C5orf24: variants seen among roughly 807,000 people sequenced by gnomAD.
The protein encoded by C5orf24 is UPF0461 protein C5orf24.
Under a neutral mutation model 9.8 loss-of-function variants are expected in C5orf24, and 4 were observed. That is an observed-to-expected ratio of 0.41 (90% CI 0.20 to 0.93). C5orf24 has a LOEUF of 0.93. Ranked by LOEUF, C5orf24 falls within the 40% of genes least tolerant of loss-of-function variation. The pLI is 0.33. For synonymous variants in C5orf24, 73 were observed against 81.3 expected (o/e 0.90, Z 0.55); for missense variants, 170 against 236.9 (o/e 0.72, Z 1.85).
At position 134,858,537 on chromosome 5, in the gene C5orf24, G is replaced by A. The variant is rs1429846825; in HGVS notation, c.*3070G>A. 3 of 166,916 alleles carry A rather than the reference G, an allele frequency of 1.8e-5. No homozygotes were observed. Among genetic ancestry groups the A allele is most frequent in the Non-Finnish European group, 2.9e-5 (2 of 68,098 alleles). The allele number at this position is 166,916 out of a possible 1,614,324, so 10.3% of individuals were successfully genotyped here. A position where few individuals can be genotyped will look rare whatever the true frequency, so the allele number is the denominator to read the frequency against. The stretch of plus-strand genomic sequence containing the variant: ...AGGTAAATTGCTAATTTTATACAGT[G>A]TAATTCTGTTCTTCACAAAATAGGT... On this transcript the variant is annotated 3_prime_UTR_variant, in exon 2 of 2. Transcript: ENST00000394976.
At chr5:134,848,270 C>T (rs191709586) in intron 1 of C5orf24, among the ~76,000 whole-genome samples, 3 of 152,040 alleles carry the variant, frequency 2.0e-5, no homozygotes, top group African/African-American at 7.2e-5. Context: ...AAGATCGGGC[C>T]ACTGTTCTCC....
chr5:134,854,434 C>T (rs1756251462), intron 1 of C5orf24, among the ~76,000 whole-genome samples: 1 of 152,174 alleles, frequency 6.6e-6, no homozygotes, highest in East Asian at 1.9e-4. Flanking sequence ...AAACTGTTGT[C>T]AGGCCAGAAG....
chr5:134,856,279 C>T lies in C5orf24; in HGVS notation c.*812C>T. Reference sequence around the variant, plus strand: ...ATATTTCATATAATAGAAAAAGAAGCATTCTCTAGGTTTGCATGTAGCTAT... The same window carrying T: ...ATATTTCATATAATAGAAAAAGAAGTATTCTCTAGGTTTGCATGTAGCTAT... On this transcript the variant is annotated 3_prime_UTR_variant, in exon 2 of 2. Coordinates refer to ENST00000394976, the MANE Select transcript of C5orf24 (RefSeq NM_001135586.1). 3 of 994,940 alleles carry T rather than the reference C, an allele frequency of 3.0e-6. No homozygotes were observed. The highest frequency in any genetic ancestry group is 1.7e-5 in the African/African-American group (1 of 57,226). The allele number at this position is 994,940 out of a possible 1,614,324, so 61.6% of individuals were successfully genotyped here.
rs1353955533 is a variant in C5orf24, at chr5:134,857,358, A to C, written c.*1891A>C. 6.5e-7 allele frequency: 1 copy of C among 1,546,174 alleles called. No individual in the cohort carries two copies. Among genetic ancestry groups the C allele is most frequent in the East Asian group, 2.4e-5 (1 of 40,822 alleles). Reference sequence around the variant, plus strand: ...CATGTTTCATACCTTTTTTATCAGGAAAAAAGCAGCAAGCCTTCAGGTGTT... The same window carrying C: ...CATGTTTCATACCTTTTTTATCAGGCAAAAAGCAGCAAGCCTTCAGGTGTT... On this transcript the variant is annotated 3_prime_UTR_variant, in exon 2 of 2. Coordinates refer to ENST00000394976, the MANE Select transcript of C5orf24 (RefSeq NM_001135586.1).
At chr5:134,843,329 C>T (rs1450743597), upstream of C5orf24, among the ~76,000 whole-genome samples, 1 of 152,074 alleles carries the variant, frequency 6.6e-6, no homozygotes, top group Non-Finnish European at 1.5e-5. Context: ...TGGTTATTTT[C>T]AAGAACAATA....
chr5:134,838,006 C>T, the C5orf24 span, among the ~76,000 whole-genome samples: 9 of 151,938 alleles, frequency 5.9e-5, no homozygotes, highest in Non-Finnish European at 1.0e-4. Flanking sequence ...TAGCACTTTG[C>T]GAGGCAGTGG....
At chr5:134,851,244 T>C (rs1756154420) in intron 1 of C5orf24, among the ~76,000 whole-genome samples, 1 of 152,164 alleles carries the variant, frequency 6.6e-6, no homozygotes, top group Non-Finnish European at 1.5e-5. Context: ...TCTTTACTAA[T>C]TCTGGCATTT....
At position 134,858,267 on chromosome 5, in the gene C5orf24, C is replaced by G. The variant is rs1441983031; in HGVS notation, c.*2800C>G. On this transcript the variant is annotated 3_prime_UTR_variant, in exon 2 of 2. Transcript: ENST00000394976. ...CTCCTGATTCCACTTACTTTTCTCC[C>G]TGTGAACAGTTTACCGGTGCCATGC... The G allele has an allele frequency of 1.8e-5, 3 of 167,036 alleles. No homozygotes were observed. Among genetic ancestry groups the G allele is most frequent in the East Asian group, 1.9e-4 (1 of 5,202 alleles). 10.3% of individuals were successfully genotyped at this position (167,036 alleles called of 1,614,324 possible).
chr5:134,834,397 G>A, the C5orf24 span, among the ~76,000 whole-genome samples: 1 of 152,102 alleles, frequency 6.6e-6, no homozygotes, highest in South Asian at 2.1e-4. Context: ...AAACCTTGAA[G>A]GCAACATCTT....
upstream of C5orf24, among the ~76,000 whole-genome samples, chr5:134,845,064 G>A (rs1234331910): frequency 6.6e-6 from 1 of 152,204 alleles, no homozygotes; most frequent in African/African-American, 2.4e-5. Context: ...GTGTAGGTTT[G>A]ATCAACTGTT....
At chr5:134,853,033 C>T (rs1433888541) in intron 1 of C5orf24, among the ~76,000 whole-genome samples, 1 of 152,046 alleles carries the variant, frequency 6.6e-6, no homozygotes, top group African/African-American at 2.4e-5. Flanking sequence ...GGCGTGGTGG[C>T]GGGTGCCTGT....
chr5:134,838,963 C>A, the C5orf24 span, among the ~76,000 whole-genome samples: 1 of 152,034 alleles, frequency 6.6e-6, no homozygotes, highest in Non-Finnish European at 1.5e-5. Context: ...AATCCCAGCA[C>A]TTTGGGAGGC....
In C5orf24 at chr5:134,851,639, C is replaced by T. The variant is rs374336981; in HGVS notation, c.-3-3259C>T. Among the ~76,000 whole-genome samples, 9 of 152,220 alleles carry T rather than the reference C, an allele frequency of 5.9e-5. No homozygotes were observed. The East Asian group carries it at 1.5e-3, about 26-fold the overall frequency. ...GCTGCTATTGAAAAACCATGGTATG[C>T]TACATTGTAAATTGTTGGTTCTGAA... On this transcript the variant is annotated intron_variant, in intron 1 of 1. Coordinates refer to ENST00000394976, the MANE Select transcript of C5orf24 (RefSeq NM_001135586.1).
intron 1 of C5orf24, among the ~76,000 whole-genome samples, chr5:134,847,110 G>T (rs1017063770): frequency 6.6e-6 from 1 of 152,126 alleles, no homozygotes; most frequent in Non-Finnish European, 1.5e-5. Flanking sequence ...AGAAGAGAAA[G>T]GAATTGTTCT....
At chr5:134,848,785 ACGT>A (rs1756070196) in intron 1 of C5orf24, among the ~76,000 whole-genome samples, 1 of 149,068 alleles carries the variant, frequency 6.7e-6, no homozygotes, top group Admixed American at 6.8e-5. Context: ...ACATGGTGAA[ACGT>A]CGTCTCTACC....
the C5orf24 span, among the ~76,000 whole-genome samples, chr5:134,836,035 C>T: frequency 1.3e-4 from 19 of 151,944 alleles, no homozygotes; most frequent in South Asian, 3.8e-3. Flanking sequence ...TTATAAAAAA[C>T]TCACAACCCA....
chr5:134,836,299 G>A, the C5orf24 span, among the ~76,000 whole-genome samples: 1,247 of 149,214 alleles, frequency 8.4e-3, 17 homozygotes, highest in African/African-American at 0.028. Flanking sequence ...AGCCTCCCAA[G>A]TAGCTGGGAT....
chr5:134,845,220 G>T (rs1460026198), upstream of C5orf24, among the ~76,000 whole-genome samples: 1 of 152,164 alleles, frequency 6.6e-6, no homozygotes, highest in African/African-American at 2.4e-5. Flanking sequence ...CCTGGCTCAG[G>T]GCTGTGCTTA....
chr5:134,836,045 A>G, the C5orf24 span, among the ~76,000 whole-genome samples: 125 of 151,828 alleles, frequency 8.2e-4, 1 homozygote, highest in Non-Finnish European at 2.2e-4. Context: ...CTCACAACCC[A>G]TATGTGTTAA....
Sources: allele counts gnomAD v4.1 joint callset (sites outside exome capture counted in the v4.1 genomes callset), GRCh38; gene constraint gnomAD v4.1.1; transcripts MANE v1.5; gene names NCBI Gene and HGNC (gene_info 2026-07-23, HGNC 2026-07-21).